The following JMJD8 variants were observed in gnomAD, a reference collection of about 807,000 sequenced individuals.
JMJD8 encodes jumonji domain containing 8, also known as jmjC domain-containing protein 8.
A neutral mutation model predicts 37.6 loss-of-function variants in JMJD8; 56 were observed. The observed-to-expected ratio is 1.49, with a 90% CI of 1.20 to 1.86. The LOEUF is 1.86. Among genes scored for constraint, JMJD8 ranks in the 40% most tolerant of loss-of-function variants. The pLI is 0.00. For synonymous variants in JMJD8, 261 were observed against 163.7 expected (o/e 1.59, Z -4.54); for missense variants, 542 against 362.7 (o/e 1.49, Z -4.01).
chr16:682,451 G>T lies in JMJD8; in HGVS notation c.*343C>A. 1 of 1,613,438 alleles carries T rather than the reference G, an allele frequency of 6.2e-7. No homozygotes were observed. Among genetic ancestry groups the T allele is most frequent in the East Asian group, 2.2e-5 (1 of 44,890 alleles). On this transcript the variant is annotated 3_prime_UTR_variant, in exon 9 of 9. Transcript: ENST00000609261. ...CTTGGCTATGAAGGAGGTTATTGAC[G>T]CATTCATCTCTGAGAATGGCTGGGT...
Position 682,365 on chromosome 16 carries a change from G to A in JMJD8, c.*429C>T, listed in dbSNP as rs1030088581. 2 of 1,613,162 alleles carry A rather than the reference G, an allele frequency of 1.2e-6. No individual in the cohort carries two copies. The highest frequency in any genetic ancestry group is 1.1e-5 in the South Asian group (1 of 91,080). On this transcript the variant is annotated 3_prime_UTR_variant, in exon 9 of 9. Coordinates refer to ENST00000609261, the MANE Select transcript of JMJD8 (RefSeq NM_001005920.4). The stretch of plus-strand genomic sequence containing the variant: ...CCTCTGCCCTTCTTGTCACTGCAGC[G>A]TGTGGGTCATTTTGACCCCGTGACC...
chr16:682,657 T>TC lies in JMJD8; in HGVS notation c.*136dup, dbSNP rs1235854227. ...CATCGCTTTTGCTGGGCCGTGATCG[T>TC]CCCCCTTTGTGGGCTGGAAAAGCAG... On this transcript the variant is annotated 3_prime_UTR_variant, in exon 9 of 9. Coordinates refer to ENST00000609261, the MANE Select transcript of JMJD8 (RefSeq NM_001005920.4). 1 of 1,396,218 alleles carries TC rather than the reference T, an allele frequency of 7.2e-7. No homozygotes were observed. Among genetic ancestry groups the TC allele is most frequent in the Non-Finnish European group, 9.8e-7 (1 of 1,018,564 alleles). The allele number at this position is 1,396,218 out of a possible 1,614,324, so 86.5% of individuals were successfully genotyped here.
In JMJD8 at chr16:684,117, C is replaced by G. The variant is rs1238838466; in HGVS notation, c.125G>C (p.Arg42Pro). 1.3e-6 allele frequency: 2 copies of G among 1,542,326 alleles called. No homozygotes were observed. The highest frequency in any genetic ancestry group is 1.4e-5 in the African/African-American group (1 of 70,724). ...GTCGGCCCGACGCTCCACCGTGCAG[C>G]GCTCCTCCTCCGCCACGGCCCCCGG... is the stretch of plus-strand genomic sequence containing the variant. The part of the protein sequence containing the change: ...GGPGAVAEEE[R>P]CTVERRADLT... The change falls in exon 2 of 9, where the codon CGC becomes CCC. Residue 42 changes from arginine (R) to proline (P), a missense_variant. Transcript: ENST00000609261.
At position 681,972 on chromosome 16, in the gene JMJD8, G is replaced by T; in HGVS notation, c.*822C>A. 6.2e-7 allele frequency: 1 copy of T among 1,612,758 alleles called. No individual in the cohort carries two copies. Among genetic ancestry groups the T allele is most frequent in the African/African-American group, 1.3e-5 (1 of 75,060 alleles). Reference sequence around the variant, plus strand: ...TGTGTTGGGTCTGTGCCCCATGGAGGAGGGAGGTGGGGTGTCTCCCCCAAG... The same window carrying T: ...TGTGTTGGGTCTGTGCCCCATGGAGTAGGGAGGTGGGGTGTCTCCCCCAAG... On this transcript the variant is annotated 3_prime_UTR_variant, in exon 9 of 9. Transcript: ENST00000609261.
rs1263668136 is a variant in JMJD8, at chr16:683,729, C to G, written c.278G>C (p.Arg93Thr). Residue 93 changes from arginine (R) to threonine (T), a missense_variant, in exon 4 of 9, where the codon AGA becomes ACA. By Grantham distance (71) the Arg-to-Thr change is moderately conservative. Coordinates refer to ENST00000609261, the MANE Select transcript of JMJD8 (RefSeq NM_001005920.4). Reference protein sequence around the residue: ...RDRLLASFGDRVVRLSTANTY... With the variant: ...RDRLLASFGDTVVRLSTANTY... ...GTTGGCGGTGCTCAGCCGGACCACT[C>G]TGTCCCCAAACGAAGCCAGCAACCT... is the stretch of plus-strand genomic sequence containing the variant. 2 of 1,609,688 alleles carry G rather than the reference C, an allele frequency of 1.2e-6. No individual in the cohort carries two copies. Among genetic ancestry groups the G allele is most frequent in the Admixed American group, 1.7e-5 (1 of 59,650 alleles).
Position 683,885 on chromosome 16 carries a change from G to A in JMJD8, c.201C>T (p.Ile67=), listed in dbSNP as rs773965622. 5.0e-6 allele frequency: 8 copies of A among 1,585,008 alleles called. No individual in the cohort carries two copies. The highest frequency in any genetic ancestry group is 4.6e-5 in the East Asian group (2 of 43,146). The part of the protein sequence containing the change: ...VQQYAFVRPV[I]LQGLTDNSRF... ...CCGAGTTGTCCGTGAGTCCCTGCAG[G>A]ATGACGGGCCTGACGAAGGCGTACC... Residue 67 remains isoleucine, a synonymous_variant, in exon 3 of 9, where the codon ATC becomes ATT. Coordinates refer to ENST00000609261, the MANE Select transcript of JMJD8 (RefSeq NM_001005920.4).
In JMJD8 at chr16:681,745, A is replaced by G; in HGVS notation, c.*1049T>C. 6.4e-7 allele frequency: 1 copy of G among 1,560,960 alleles called. No homozygotes were observed. The highest frequency in any genetic ancestry group is 8.7e-7 in the Non-Finnish European group (1 of 1,148,300). ...TTAGCTCTGAGATTGGGGTGTGGTC[A>G]GACATCTGGCCAGGTCCATCTCTGA... On this transcript the variant is annotated 3_prime_UTR_variant, in exon 9 of 9. Transcript: ENST00000609261.
At position 682,530 on chromosome 16, in the gene JMJD8, T is replaced by C. The variant is rs774585076; in HGVS notation, c.*264A>G. ...CTGGCGTCCTGGTCCAGGGGAGCCC[T>C]GGGCAGAAGCCCCCGGCCCCTATAC... is the stretch of plus-strand genomic sequence containing the variant. On this transcript the variant is annotated 3_prime_UTR_variant, in exon 9 of 9. Coordinates refer to ENST00000609261, the MANE Select transcript of JMJD8 (RefSeq NM_001005920.4). The C allele has an allele frequency of 6.2e-7, 1 of 1,611,258 alleles. No individual in the cohort carries two copies. The highest frequency in any genetic ancestry group is 2.2e-5 in the East Asian group (1 of 44,866).
At position 683,559 on chromosome 16, in the gene JMJD8, T is replaced by A. The variant is rs1229646045; in HGVS notation, c.362A>T (p.His121Leu). The A allele has an allele frequency of 6.4e-7, 1 of 1,570,274 alleles. No individual in the cohort carries two copies. Among genetic ancestry groups the A allele is most frequent in the African/African-American group, 1.4e-5 (1 of 73,846 alleles). The stretch of plus-strand genomic sequence containing the variant: ...GCCCAGGGAGGTGGGGTCCTGGGGG[T>A]GCAGCAGCTGCTCCACATACTCCTG... ...PFQEYVEQLLHPQDPTSLGND... is the reference protein window; with the variant it reads ...PFQEYVEQLLLPQDPTSLGND... Residue 121 changes from histidine (H) to leucine (L), a missense_variant, in exon 5 of 9, where the codon CAC becomes CTC. His to Leu is a moderately conservative substitution (Grantham distance 99). Transcript: ENST00000609261.
In JMJD8 at chr16:682,644, T is replaced by C; in HGVS notation, c.*150A>G. 7.0e-7 allele frequency: 1 copy of C among 1,420,734 alleles called. No individual in the cohort carries two copies. The highest frequency in any genetic ancestry group is 2.4e-5 in the East Asian group (1 of 42,454). The allele number at this position is 1,420,734 out of a possible 1,614,324, so 88.0% of individuals were successfully genotyped here. On this transcript the variant is annotated 3_prime_UTR_variant, in exon 9 of 9. Coordinates refer to ENST00000609261, the MANE Select transcript of JMJD8 (RefSeq NM_001005920.4). ...TTTCCCCTCTCAGCATCGCTTTTGC[T>C]GGGCCGTGATCGTCCCCCTTTGTGG...
chr16:681,711 G>C lies in JMJD8; in HGVS notation c.*1083C>G. Reference sequence around the variant, plus strand: ...ACTGGCAAGCAGGAAATGTGGGGAAGTGTGGATGTTAGCTCTGAGATTGGG... The same window carrying C: ...ACTGGCAAGCAGGAAATGTGGGGAACTGTGGATGTTAGCTCTGAGATTGGG... On this transcript the variant is annotated 3_prime_UTR_variant, in exon 9 of 9. Coordinates refer to ENST00000609261, the MANE Select transcript of JMJD8 (RefSeq NM_001005920.4). 6.4e-7 allele frequency: 1 copy of C among 1,553,538 alleles called. No homozygotes were observed. Among genetic ancestry groups the C allele is most frequent in the Non-Finnish European group, 8.7e-7 (1 of 1,144,264 alleles).
chr16:682,750 G>T lies in JMJD8; in HGVS notation c.*44C>A. 6.3e-7 allele frequency: 1 copy of T among 1,591,198 alleles called. No individual in the cohort carries two copies. The highest frequency in any genetic ancestry group is 1.3e-5 in the African/African-American group (1 of 74,704). The stretch of plus-strand genomic sequence containing the variant: ...GTAATAAAATCCGTGAGCACGAGGT[G>T]GGACGTGCTGGTGTGTGACCGGCAG... On this transcript the variant is annotated 3_prime_UTR_variant, in exon 9 of 9. Transcript: ENST00000609261.
rs779384781 is a variant in JMJD8 at position 683,361 on chromosome 16, G to A, written c.472C>T (p.Leu158=). The change falls in exon 6 of 9, where the codon CTG becomes TTG. Residue 158 remains leucine (L), a synonymous_variant. Transcript: ENST00000609261. ...CTGTAAGCTGGAGCGGTTCCCAGCA[G>A]GCCAAATGGGGGTGGGGAGTAGTGC... The part of the protein sequence containing the change: ...FRHYSPPPFG[L]LGTAPAYSFG... 1.3e-6 allele frequency: 2 copies of A among 1,562,182 alleles called. No individual in the cohort carries two copies. The highest frequency in any genetic ancestry group is 2.4e-5 in the East Asian group (1 of 41,730).
rs2039671141 is a variant in JMJD8 at position 681,864 on chromosome 16, G to C, written c.*930C>G. On this transcript the variant is annotated 3_prime_UTR_variant, in exon 9 of 9. Coordinates refer to ENST00000609261, the MANE Select transcript of JMJD8 (RefSeq NM_001005920.4). ...AGCCACGTCCGGGCCCAGCAGGCCT[G>C]CATTGAGGCCAAGCACGTGAGGGTG... 6 of 1,612,872 alleles carry C rather than the reference G, an allele frequency of 3.7e-6. No homozygotes were observed. The highest frequency in any genetic ancestry group is 5.1e-6 in the Non-Finnish European group (6 of 1,179,962).
In JMJD8 at chr16:683,519, G is replaced by A. The variant is rs1035098648; in HGVS notation, c.391+11C>T. 3 of 1,550,016 alleles carry A rather than the reference G, an allele frequency of 1.9e-6. No homozygotes were observed. The highest frequency in any genetic ancestry group is 1.2e-5 in the South Asian group (1 of 83,910). ...GTCCCCACCCCCTACCGCCGCCTAGGGCTGCCTCACCATTGCCCAGGGAGG... is the reference window on the plus strand; with the variant it reads ...GTCCCCACCCCCTACCGCCGCCTAGAGCTGCCTCACCATTGCCCAGGGAGG... On this transcript the variant is annotated intron_variant, in intron 5 of 8. Coordinates refer to ENST00000609261, the MANE Select transcript of JMJD8 (RefSeq NM_001005920.4).
Position 682,473 on chromosome 16 carries a change from G to A in JMJD8, c.*321C>T. On this transcript the variant is annotated 3_prime_UTR_variant, in exon 9 of 9. Coordinates refer to ENST00000609261, the MANE Select transcript of JMJD8 (RefSeq NM_001005920.4). ...GACGCATTCATCTCTGAGAATGGCT[G>A]GGTGGAGGACTACTGAGGTTCCCTG... is the stretch of plus-strand genomic sequence containing the variant. 1.2e-6 allele frequency: 2 copies of A among 1,613,374 alleles called. No homozygotes were observed. Among genetic ancestry groups the A allele is most frequent in the Non-Finnish European group, 1.7e-6 (2 of 1,180,016 alleles).
In JMJD8 at chr16:682,791, T is replaced by C. The variant is rs772457620; in HGVS notation, c.*3A>G. ...TGACCGGCAGTCCTGCCAGCTGTTTTGGCTAGCCGAGGAAGGTGGAGATGA... is the reference window on the plus strand; with the variant it reads ...TGACCGGCAGTCCTGCCAGCTGTTTCGGCTAGCCGAGGAAGGTGGAGATGA... On this transcript the variant is annotated 3_prime_UTR_variant, in exon 9 of 9. Coordinates refer to ENST00000609261, the MANE Select transcript of JMJD8 (RefSeq NM_001005920.4). 4 of 1,612,896 alleles carry C rather than the reference T, an allele frequency of 2.5e-6. No homozygotes were observed. Among genetic ancestry groups the C allele is most frequent in the Admixed American group, 3.3e-5 (2 of 60,008 alleles).
rs1180061837 is a variant in JMJD8 at position 683,614 on chromosome 16, G to A, written c.323-16C>T. ...GGCAAGTCCACTGCAGGAAAGAGACGGGTCAGGACCGTCTGGTCCAGCCGC... is the reference window on the plus strand; with the variant it reads ...GGCAAGTCCACTGCAGGAAAGAGACAGGTCAGGACCGTCTGGTCCAGCCGC... On this transcript the variant is annotated splice_polypyrimidine_tract_variant and intron_variant, in intron 4 of 8. Coordinates refer to ENST00000609261, the MANE Select transcript of JMJD8 (RefSeq NM_001005920.4). 8 of 1,576,844 alleles carry A rather than the reference G, an allele frequency of 5.1e-6. No individual in the cohort carries two copies. Among genetic ancestry groups the A allele is most frequent in the South Asian group, 2.3e-5 (2 of 86,516 alleles).
rs1431737672 is a variant in JMJD8, at chr16:683,167, CT to C, written c.578del (p.Lys193SerfsTer128). ...GCCTCAACCCCCACCCCGTGCTGACCTTACGACCGTAGATCACTTCTGAGTA... is the reference window on the plus strand; with the variant it reads ...GCCTCAACCCCCACCCCGTGCTGACCTACGACCGTAGATCACTTCTGAGTA... The part of the protein sequence containing the change: ...PGYSEVIYGR[K>X]RWFLYPPEKT... On this transcript the variant is annotated frameshift_variant and splice_region_variant, in exon 7 of 9. Coordinates refer to ENST00000609261, the MANE Select transcript of JMJD8 (RefSeq NM_001005920.4). LOFTEE classifies it high-confidence loss of function. The C allele has an allele frequency of 6.2e-7, 1 of 1,613,426 alleles. No individual in the cohort carries two copies. The highest frequency in any genetic ancestry group is 2.2e-5 in the East Asian group (1 of 44,886).
Sources: allele counts gnomAD v4.1 joint callset, GRCh38; gene constraint gnomAD v4.1.1; transcripts MANE v1.5; gene names NCBI Gene and HGNC (gene_info 2026-07-23, HGNC 2026-07-21).